Variants in TBC1D22B observed in about 807,000 individuals in gnomAD.
TBC1D22B encodes chromosome 6 open reading frame 197.
A neutral mutation model predicts 69.1 loss-of-function variants in TBC1D22B; 32 were observed. That is an observed-to-expected ratio of 0.46 (90% confidence interval 0.35 to 0.62). The LOEUF is 0.62. TBC1D22B is among the 20% of genes least tolerant of loss of function. The probability of loss-of-function intolerance (pLI) is 0.00; values close to 1 mark genes in which losing one functional copy is unlikely to be tolerated. For synonymous variants in TBC1D22B, 206 were observed against 229.8 expected, an observed-to-expected ratio of 0.90 and a Z score of 0.94; for missense variants, 462 against 630.9, an observed-to-expected ratio of 0.73 and a Z score of 2.87.
At chr6:37,304,788 A>T (rs1045597792) in intron 8 of TBC1D22B, among the ~76,000 whole-genome samples, 3 of 152,148 alleles carry the variant, frequency 2.0e-5, no homozygotes, top group Non-Finnish European at 2.9e-5. Flanking sequence ...CTACTTTTTT[A>T]AAAAAATCGC....
chr6:37,318,407 A>G (rs1768143949), intron 12 of TBC1D22B, among the ~76,000 whole-genome samples: 1 of 152,224 alleles, frequency 6.6e-6, no homozygotes, highest in African/African-American at 2.4e-5. Flanking sequence ...AGCTTCAGCC[A>G]TATTGGATTT....
chr6:37,280,647 G>A (rs61271443), intron 3 of TBC1D22B, among the ~76,000 whole-genome samples: 4,812 of 152,326 alleles, frequency 0.032, 236 homozygotes, highest in African/African-American at 0.11. Context: ...GATCCATGAT[G>A]AGCTGCCCTG....
At position 37,296,375 on chromosome 6, in the gene TBC1D22B, G is replaced by A. The variant is rs1314878694; in HGVS notation, c.982+5018G>A. Among the ~76,000 whole-genome samples the A allele has an allele frequency of 2.6e-5, 4 of 152,098 alleles. No individual in the cohort carries two copies. In the East Asian group the frequency reaches 7.7e-4, roughly 29 times the overall value. On this transcript the variant is annotated intron_variant, in intron 8 of 12. Transcript: ENST00000373491. ...TGGATTGATTGATTGATCGAGACAG[G>A]GTCTCACTCTGTCACCCAGGCTGGA...
chr6:37,305,838 G>A (rs1348563190), intron 8 of TBC1D22B, among the ~76,000 whole-genome samples: 1 of 152,160 alleles, frequency 6.6e-6, no homozygotes, highest in Non-Finnish European at 1.5e-5. Context: ...CTATTTCTAA[G>A]CTTTATCTAA....
intron 1 of TBC1D22B, among the ~76,000 whole-genome samples, chr6:37,264,417 A>G (rs903833152): frequency 2.0e-5 from 3 of 152,156 alleles, no homozygotes; most frequent in African/African-American, 7.2e-5. Context: ...GACTCAAGCA[A>G]TTCTTGTGCC....
At chr6:37,266,340 A>G (rs1331521368) in intron 1 of TBC1D22B, among the ~76,000 whole-genome samples, 2 of 152,180 alleles carry the variant, frequency 1.3e-5, no homozygotes, top group Admixed American at 6.5e-5. Flanking sequence ...AGACCTAATC[A>G]TACATAAAAT....
At chr6:37,266,576 C>T (rs889885167) in intron 1 of TBC1D22B, among the ~76,000 whole-genome samples, 5 of 151,694 alleles carry the variant, frequency 3.3e-5, no homozygotes, top group Non-Finnish European at 5.9e-5. Context: ...ATTCTCCCGC[C>T]TCAGCCTCCT....
At chr6:37,292,409 C>G (rs1244299150) in intron 8 of TBC1D22B, among the ~76,000 whole-genome samples, 1 of 152,000 alleles carries the variant, frequency 6.6e-6, no homozygotes, top group Non-Finnish European at 1.5e-5. Context: ...TTTCATGAGG[C>G]GATCTCAGAA....
At chr6:37,308,683 TAGTC>T (rs1767810984) in intron 8 of TBC1D22B, among the ~76,000 whole-genome samples, 1 of 152,230 alleles carries the variant, frequency 6.6e-6, no homozygotes, top group Non-Finnish European at 1.5e-5. Context: ...CTCATGTTGT[TAGTC>T]AGGTTTTCCT....
At chr6:37,304,155 C>T (rs1189097842) in intron 8 of TBC1D22B, among the ~76,000 whole-genome samples, 1 of 152,224 alleles carries the variant, frequency 6.6e-6, no homozygotes, top group Non-Finnish European at 1.5e-5. Flanking sequence ...AAAGTTCTCT[C>T]TCCCCTAAGG....
chr6:37,313,075 C>T (rs1332000410), intron 9 of TBC1D22B, 51 bp downstream of exon 9: 1 of 1,427,102 alleles, frequency 7.0e-7, no homozygotes, highest in Non-Finnish European at 9.9e-7. Context: ...CAGAGGCTCC[C>T]AGCAGGGCTT....
intron 2 of TBC1D22B, among the ~76,000 whole-genome samples, chr6:37,274,910 G>A (rs147221277): frequency 8.9e-4 from 136 of 152,272 alleles, no homozygotes; most frequent in African/African-American, 3.2e-3. Context: ...AAATTAGCTG[G>A]GCGTAGTGGC....
At chr6:37,301,142 G>T (rs957730923) in intron 8 of TBC1D22B, among the ~76,000 whole-genome samples, 2 of 152,162 alleles carry the variant, frequency 1.3e-5, no homozygotes, top group East Asian at 1.9e-4. Flanking sequence ...ATCAACTTTT[G>T]TCAAATGTAG....
At chr6:37,269,174 C>T (rs1271971692) in intron 1 of TBC1D22B, among the ~76,000 whole-genome samples, 1 of 152,184 alleles carries the variant, frequency 6.6e-6, no homozygotes, top group Non-Finnish European at 1.5e-5. Flanking sequence ...TCACCCTTCA[C>T]TGTCTTTTAG....
At position 37,293,728 on chromosome 6, in the gene TBC1D22B, C is replaced by T. The variant is rs750633125; in HGVS notation, c.982+2371C>T. Among the ~76,000 whole-genome samples, 15 of 152,356 alleles carry T rather than the reference C, an allele frequency of 9.8e-5. No individual in the cohort carries two copies. In the South Asian group the frequency reaches 2.3e-3, roughly 23 times the overall value. On this transcript the variant is annotated intron_variant, in intron 8 of 12. Coordinates refer to ENST00000373491, the MANE Select transcript of TBC1D22B (RefSeq NM_017772.4). ...AAGGTAGGTCAAAAGCTGAGACAGA[C>T]TGAAAGCTATGCCTCTTGTGCCAGC...
intron 12 of TBC1D22B, among the ~76,000 whole-genome samples, chr6:37,318,739 A>T (rs1487008314): frequency 6.6e-6 from 1 of 152,126 alleles, no homozygotes; most frequent in Non-Finnish European, 1.5e-5. Context: ...AGAAAACTCA[A>T]GAAGGGCCTA....
intron 2 of TBC1D22B, among the ~76,000 whole-genome samples, chr6:37,275,042 A>G (rs1766622212): frequency 1.0e-5 from 1 of 100,062 alleles, no homozygotes; most frequent in South Asian, 4.4e-4. Context: ...CAGAGCGAGA[A>G]TCCATCTTAA....
intron 8 of TBC1D22B, among the ~76,000 whole-genome samples, chr6:37,306,518 T>C (rs1326771693): frequency 6.6e-6 from 1 of 152,178 alleles, no homozygotes; most frequent in Non-Finnish European, 1.5e-5. Context: ...TTCCTTTGCC[T>C]CCTCTTCCTT....
At chr6:37,281,347 G>C (rs544253480) in intron 3 of TBC1D22B, among the ~76,000 whole-genome samples, 2 of 152,168 alleles carry the variant, frequency 1.3e-5, no homozygotes, top group Non-Finnish European at 2.9e-5. Flanking sequence ...CTCAATATAC[G>C]TGAGTCCTCT....
Sources: allele counts gnomAD v4.1 joint callset (sites outside exome capture counted in the v4.1 genomes callset), GRCh38; gene constraint gnomAD v4.1.1; transcripts MANE v1.5; gene names NCBI Gene and HGNC (gene_info 2026-07-23, HGNC 2026-07-21).